GPR39: variants seen among roughly 807,000 people sequenced by gnomAD.
The protein encoded by GPR39 is G protein-coupled receptor 39.
In GPR39, 23 loss-of-function variants were observed where a neutral mutation model predicts 18.4. The ratio of observed to expected loss-of-function variants is 1.25; its 90% CI spans 0.90 to 1.77. GPR39 has a LOEUF of 1.77. GPR39 is among the 40% of genes most tolerant of loss of function. The pLI is 0.00. For missense variants in GPR39, 647 were observed against 602.4 expected, an observed-to-expected ratio of 1.07 and a Z score of -0.78; for synonymous variants, 280 against 257.9, an observed-to-expected ratio of 1.09 and a Z score of -0.82.
chr2:132,495,734 C>T (rs953343546), intron 1 of GPR39, among the ~76,000 whole-genome samples: 1 of 152,088 alleles, frequency 6.6e-6, no homozygotes, highest in South Asian at 2.1e-4. Context: ...GAAATTTTAT[C>T]AGTATCTGGC....
intron 1 of GPR39, among the ~76,000 whole-genome samples, chr2:132,432,339 T>C (rs1400535944): frequency 1.3e-5 from 2 of 152,150 alleles, no homozygotes; most frequent in East Asian, 1.9e-4. Flanking sequence ...ACAAACCCCA[T>C]GAGGGATGTA....
chr2:132,483,558 A>G (rs978209247), intron 1 of GPR39, among the ~76,000 whole-genome samples: 1 of 152,206 alleles, frequency 6.6e-6, no homozygotes, highest in African/African-American at 2.4e-5. Context: ...TTATATGGCT[A>G]ATGTCAGTCT....
chr2:132,578,100 A>G (rs1241922317), intron 1 of GPR39, among the ~76,000 whole-genome samples: 2 of 121,064 alleles, frequency 1.7e-5, no homozygotes, highest in African/African-American at 6.7e-5. Flanking sequence ...TGGGTGTTGG[A>G]TTTTGTCAGT....
At chr2:132,497,696 G>C (rs897487237) in intron 1 of GPR39, among the ~76,000 whole-genome samples, 1 of 152,162 alleles carries the variant, frequency 6.6e-6, no homozygotes, top group Non-Finnish European at 1.5e-5. Flanking sequence ...GAGTGCATAT[G>C]AATAAATTCC....
intron 1 of GPR39, among the ~76,000 whole-genome samples, chr2:132,518,672 T>C (rs1375234513): frequency 6.6e-6 from 1 of 152,150 alleles, no homozygotes; most frequent in Non-Finnish European, 1.5e-5. Context: ...GCAAACCACA[T>C]ACATAATATA....
intron 1 of GPR39, among the ~76,000 whole-genome samples, chr2:132,501,230 A>G (rs529045904): frequency 1.3e-5 from 2 of 152,118 alleles, no homozygotes; most frequent in South Asian, 2.1e-4. Context: ...ATTTAATGCT[A>G]TGAACTTTCC....
chr2:132,561,813 T>G (rs1209134022), intron 1 of GPR39, among the ~76,000 whole-genome samples: 6 of 152,108 alleles, frequency 3.9e-5, no homozygotes, highest in African/African-American at 1.4e-4. Flanking sequence ...AGTCCAAGTC[T>G]AAAGGCCAGA....
Position 132,417,898 on chromosome 2 carries a change from A to G in GPR39, c.856A>G (p.Arg286Gly). ...TARRQTIIFL[R>G]LIVVTLAVCW... is the part of the protein sequence containing the mutation. Reference sequence around the variant, plus strand: ...CAGGAGGCAGACCATCATCTTCCTGAGTGAGTCCTAAGTCGGGGGCAACAC... The same window carrying G: ...CAGGAGGCAGACCATCATCTTCCTGGGTGAGTCCTAAGTCGGGGGCAACAC... The change falls in exon 1 of 2, where the codon AGG becomes GGG. Residue 286 changes from arginine to glycine, a missense_variant and splice_region_variant. By Grantham distance (125) the Arg-to-Gly change is moderately radical. Transcript: ENST00000329321. 6.3e-7 allele frequency: 1 copy of G among 1,579,380 alleles called. No individual in the cohort carries two copies. The highest frequency in any genetic ancestry group is 8.6e-7 in the Non-Finnish European group (1 of 1,165,452).
At chr2:132,541,050 G>T (rs1679852551) in intron 1 of GPR39, among the ~76,000 whole-genome samples, 1 of 151,888 alleles carries the variant, frequency 6.6e-6, no homozygotes, top group South Asian at 2.1e-4. Flanking sequence ...GGGAACTGAG[G>T]CCAGGTAAGG....
intron 1 of GPR39, among the ~76,000 whole-genome samples, chr2:132,602,401 GATTTAA>G (rs1421973236): frequency 6.6e-6 from 1 of 152,054 alleles, no homozygotes; most frequent in East Asian, 1.9e-4. Context: ...ATTGGATAAA[GATTTAA>G]ATAAATGCAA....
At chr2:132,630,197 G>A (rs1681623415) in intron 1 of GPR39, among the ~76,000 whole-genome samples, 1 of 152,096 alleles carries the variant, frequency 6.6e-6, no homozygotes, top group African/African-American at 2.4e-5. Context: ...CACAAGTTCT[G>A]GCTAATTATG....
At chr2:132,442,715 A>ATAATGAAC (rs1680462494) in intron 1 of GPR39, among the ~76,000 whole-genome samples, 1 of 152,266 alleles carries the variant, frequency 6.6e-6, no homozygotes, top group South Asian at 2.1e-4. Flanking sequence ...AGATTCATGT[A>ATAATGAAC]TAATGAACTG....
chr2:132,613,891 G>C (rs1028122987), intron 1 of GPR39, among the ~76,000 whole-genome samples: 1 of 152,120 alleles, frequency 6.6e-6, no homozygotes, highest in South Asian at 2.1e-4. Context: ...CAGTGTCTAC[G>C]TCTTAATAGA....
Position 132,645,876 on chromosome 2 carries a change from A to C in GPR39, c.*270A>C, listed in dbSNP as rs1682042822. The C allele has an allele frequency of 1.5e-6, 1 of 658,808 alleles. No homozygotes were observed. The highest frequency in any genetic ancestry group is 2.5e-6 in the Non-Finnish European group (1 of 394,604). The allele number at this position is 658,808 out of a possible 1,614,324, so 40.8% of individuals were successfully genotyped here. A position where few individuals can be genotyped will look rare whatever the true frequency, so the allele number is the denominator to read the frequency against. ...ATTCAGTCAGGCTGAATTTATTCAG[A>C]ATGCTTTACCGAGCTCTTTCATTAT... On this transcript the variant is annotated 3_prime_UTR_variant, in exon 2 of 2. Transcript: ENST00000329321.
intron 1 of GPR39, among the ~76,000 whole-genome samples, chr2:132,595,215 G>A (rs914775467): frequency 2.4e-4 from 37 of 152,242 alleles, no homozygotes; most frequent in African/African-American, 7.9e-4. Context: ...GGCCAGGCTG[G>A]TCTTGAACTC....
At chr2:132,497,152 C>T (rs778428559) in intron 1 of GPR39, among the ~76,000 whole-genome samples, 6 of 152,212 alleles carry the variant, frequency 3.9e-5, no homozygotes, top group Non-Finnish European at 8.8e-5. Flanking sequence ...GTGTGGCTCT[C>T]TGTGTATAAA....
intron 1 of GPR39, among the ~76,000 whole-genome samples, chr2:132,472,956 G>T (rs1681060234): frequency 1.3e-5 from 2 of 151,922 alleles, no homozygotes; most frequent in East Asian, 1.9e-4. Context: ...ATTTGAGCTT[G>T]CCCAGCATCC....
intron 1 of GPR39, among the ~76,000 whole-genome samples, chr2:132,451,172 T>TGTGTGTGC (rs1553448292): frequency 7.1e-6 from 1 of 140,574 alleles, no homozygotes; most frequent in Non-Finnish European, 1.6e-5. Flanking sequence ...TGTGTGTGTG[T>TGTGTGTGC]GTGCACGCGC....
At chr2:132,634,116 G>A (rs1447773862) in intron 1 of GPR39, among the ~76,000 whole-genome samples, 1 of 151,922 alleles carries the variant, frequency 6.6e-6, no homozygotes, top group Non-Finnish European at 1.5e-5. Flanking sequence ...TGATGATGGT[G>A]GCCATAGTAG....
Sources: allele counts gnomAD v4.1 joint callset (sites outside exome capture counted in the v4.1 genomes callset), GRCh38; gene constraint gnomAD v4.1.1; transcripts MANE v1.5; gene names NCBI Gene and HGNC (gene_info 2026-07-23, HGNC 2026-07-21).